Variants in MAP2K7 observed in about 807,000 individuals in gnomAD.
MAP2K7 encodes dual specificity mitogen-activated protein kinase kinase 7.
MAP2K7 carries 12 observed loss-of-function variants against 47.7 expected under a neutral mutation model. The observed-to-expected ratio is 0.25, with a 90% CI of 0.16 to 0.41. The LOEUF (loss-of-function observed/expected upper bound fraction) is 0.41, where lower values mean the gene tolerates loss of function less well. Ranked by LOEUF, MAP2K7 falls within the 10% of genes least tolerant of loss-of-function variation. MAP2K7 has a pLI of 1.00. For missense variants in MAP2K7, 415 were observed against 600.3 expected (o/e 0.69, Z 3.23); for synonymous variants, 299 against 243.0 (o/e 1.23, Z -2.14).
intron 1 of MAP2K7, chr19:7,905,893 A>C: frequency 6.3e-7 from 1 of 1,599,598 alleles, no homozygotes; most frequent in Non-Finnish European, 8.6e-7. Flanking sequence ...GGACATCTGC[A>C]CCATTGACCT....
rs896455254 is a variant in MAP2K7, at chr19:7,910,383, G to T, written c.447+10G>T. ...CGTCATTGCCGTTAAGGTGAGCCTT[G>T]GCGGCTACCCCGGCTGCGCCCCACA... On this transcript the variant is annotated intron_variant, in intron 4 of 10. Transcript: ENST00000397979. The T allele has an allele frequency of 6.3e-5, 102 of 1,610,524 alleles. No homozygotes were observed. Among genetic ancestry groups the T allele is most frequent in the Non-Finnish European group, 8.2e-5 (97 of 1,178,936 alleles).
At chr19:7,906,043 CCCT>C (rs1982432862) in intron 1 of MAP2K7, 1 of 621,580 alleles carries the variant, frequency 1.6e-6, no homozygotes, top group Non-Finnish European at 2.9e-6. Context: ...TCTGCGTCCT[CCCT>C]CCTCCTCCCC....
intron 1 of MAP2K7, among the ~76,000 whole-genome samples, chr19:7,908,670 G>A (rs2145135828): frequency 6.6e-6 from 1 of 152,204 alleles, no homozygotes; most frequent in Admixed American, 6.5e-5. Context: ...GTAGGTGTGT[G>A]TAGCCGTTGT....
chr19:7,909,734 C>A, intron 1 of MAP2K7, 21 bp from the exon 2 acceptor site: 1 of 1,516,380 alleles, frequency 6.6e-7, no homozygotes, highest in Non-Finnish European at 8.9e-7. Context: ...CCCTCCCTGC[C>A]ACTGGTTCTC....
At chr19:7,909,934 C>A in intron 2 of MAP2K7, 38 bp downstream of exon 2, 1 of 1,502,142 alleles carries the variant, frequency 6.7e-7, no homozygotes. Context: ...TGGGAAGCAG[C>A]ATTGAGGGGC....
chr19:7,907,541 C>G (rs147385772), intron 1 of MAP2K7, among the ~76,000 whole-genome samples: 13 of 152,356 alleles, frequency 8.5e-5, no homozygotes, highest in South Asian at 2.1e-4. Flanking sequence ...TCTCACTCCA[C>G]CCTCCTGAGC....
Position 7,910,771 on chromosome 19 carries a change from C to A in MAP2K7, c.643C>A (p.Pro215Thr), listed in dbSNP as rs1192222025. The A allele has an allele frequency of 3.7e-6, 6 of 1,610,400 alleles. No homozygotes were observed. The highest frequency in any genetic ancestry group is 1.7e-6 in the Non-Finnish European group (2 of 1,179,290). Residue 215 changes from proline to threonine, a missense_variant, in exon 6 of 11, where the codon CCC (proline) becomes ACC (threonine). This residue lies in a region of MAP2K7 where 206 missense variants were observed against 368.8 expected (regional missense o/e 0.56). Coordinates refer to ENST00000397979, the MANE Select transcript of MAP2K7 (RefSeq NM_145185.4). ...CAAGAAGCGGATGCAGGGCCCCATC[C>A]CCGAGCGCATTCTGGGCAAGATGAC... ...KLKKRMQGPI[P>T]ERILGKMTVA...
At chr19:7,904,118 C>G (rs1982271998) in intron 1 of MAP2K7, 50 bp downstream of exon 1, 2 of 1,195,448 alleles carry the variant, frequency 1.7e-6, no homozygotes, top group Non-Finnish European at 2.1e-6. Flanking sequence ...GCGGGGCGCG[C>G]GCCGCGGGAG....
At chr19:7,908,553 G>T (rs991844153) in intron 1 of MAP2K7, among the ~76,000 whole-genome samples, 3 of 152,166 alleles carry the variant, frequency 2.0e-5, no homozygotes, top group African/African-American at 7.2e-5. Context: ...CTGCAGAACT[G>T]TGGGGAGAAA....
Position 7,903,937 on chromosome 19 carries a change from CG to C in MAP2K7, c.-4del. On this transcript the variant is annotated 5_prime_UTR_variant, in exon 1 of 11. Coordinates refer to ENST00000397979, the MANE Select transcript of MAP2K7 (RefSeq NM_145185.4). ...GGGCGGTGCGCGGCGGCGGTGGCGG[CG>C]GGGAAGATGGCGGCGTCCTCCCTGG... 3 of 1,517,018 alleles carry C rather than the reference CG, an allele frequency of 2.0e-6. No individual in the cohort carries two copies. Among genetic ancestry groups the C allele is most frequent in the South Asian group, 2.4e-5 (2 of 82,122 alleles). 94.0% of individuals were successfully genotyped at this position (1,517,018 alleles called of 1,614,324 possible). A position where few individuals can be genotyped will look rare whatever the true frequency, so the allele number is the denominator to read the frequency against.
At position 7,912,639 on chromosome 19, in the gene MAP2K7, T is replaced by C; in HGVS notation, c.*208T>C. 3.3e-6 allele frequency: 2 copies of C among 599,488 alleles called. No individual in the cohort carries two copies. The highest frequency in any genetic ancestry group is 4.0e-5 in the South Asian group (2 of 49,886). 37.1% of individuals were successfully genotyped at this position (599,488 alleles called of 1,614,324 possible). A position where few individuals can be genotyped will look rare whatever the true frequency, so the allele number is the denominator to read the frequency against. ...TTCCCACCCCGGGGTCAGCCGGCCG[T>C]GTGCGTCCCCCGACAGACACTGTGA... On this transcript the variant is annotated 3_prime_UTR_variant, in exon 11 of 11. Coordinates refer to ENST00000397979, the MANE Select transcript of MAP2K7 (RefSeq NM_145185.4).
chr19:7,910,184 TC>T (rs1982729142), intron 3 of MAP2K7, 55 bp downstream of exon 3: 1 of 1,595,058 alleles, frequency 6.3e-7, no homozygotes, highest in Non-Finnish European at 8.5e-7. Flanking sequence ...GCTGGACCCA[TC>T]CTGGGAGCGC....
rs1200679519 is a variant in MAP2K7 at position 7,912,750 on chromosome 19, G to A, written c.*319G>A. ...GGCGGCCCCCAGGGGCCAGGAGAGA[G>A]CCCTGGAGTCCCGCAGCCACCATGC... is the stretch of plus-strand genomic sequence containing the variant. On this transcript the variant is annotated 3_prime_UTR_variant, in exon 11 of 11. Transcript: ENST00000397979. 4.9e-6 allele frequency: 2 copies of A among 409,068 alleles called. No individual in the cohort carries two copies. The highest frequency in any genetic ancestry group is 4.1e-5 in the African/African-American group (2 of 49,166). 25.3% of individuals were successfully genotyped at this position (409,068 alleles called of 1,614,324 possible).
rs568653771 is a variant in MAP2K7, at chr19:7,912,828, C to T, written c.*397C>T. ...CACTCCCACGCGCCCGTTCCTCTTC[C>T]GTCGCCCTCTGTCCCCTGCTCTACC... On this transcript the variant is annotated 3_prime_UTR_variant, in exon 11 of 11. Coordinates refer to ENST00000397979, the MANE Select transcript of MAP2K7 (RefSeq NM_145185.4). The T allele has an allele frequency of 2.9e-4, 68 of 234,390 alleles. 1 individual carries two copies. The highest frequency in any genetic ancestry group is 1.7e-3 in the Middle Eastern group (1 of 596). 14.5% of individuals were successfully genotyped at this position (234,390 alleles called of 1,614,324 possible). A position where few individuals can be genotyped will look rare whatever the true frequency, so the allele number is the denominator to read the frequency against.
intron 1 of MAP2K7, among the ~76,000 whole-genome samples, chr19:7,908,408 G>A (rs1982599010): frequency 6.6e-6 from 1 of 152,182 alleles, no homozygotes; most frequent in East Asian, 1.9e-4. Context: ...TCCTGCATTG[G>A]GACTGAGGCG....
chr19:7,907,645 C>A (rs1599622629), intron 1 of MAP2K7, among the ~76,000 whole-genome samples: 1 of 152,306 alleles, frequency 6.6e-6, no homozygotes. Flanking sequence ...CCCTTCCATC[C>A]CCCCATGCTC....
At chr19:7,905,477 C>T (rs900242389) in intron 1 of MAP2K7, among the ~76,000 whole-genome samples, 10 of 152,200 alleles carry the variant, frequency 6.6e-5, no homozygotes, top group Non-Finnish European at 1.0e-4. Flanking sequence ...TCCCTGCTAG[C>T]CCCTGGGGGC....
chr19:7,911,430 T>C lies in MAP2K7; in HGVS notation c.937-6T>C. Reference sequence around the variant, plus strand: ...ACCTGTCCAGCCCTGCCCGTCTCCCTCCCAGGTGGAGCTGGCAACAGGACA... The same window carrying C: ...ACCTGTCCAGCCCTGCCCGTCTCCCCCCCAGGTGGAGCTGGCAACAGGACA... On this transcript the variant is annotated splice_polypyrimidine_tract_variant and splice_region_variant and intron_variant, in intron 8 of 10. Coordinates refer to ENST00000397979, the MANE Select transcript of MAP2K7 (RefSeq NM_145185.4). The C allele has an allele frequency of 6.2e-7, 1 of 1,613,186 alleles. No individual in the cohort carries two copies. The highest frequency in any genetic ancestry group is 8.5e-7 in the Non-Finnish European group (1 of 1,179,790).
chr19:7,911,691 T>C (rs968220917), intron 9 of MAP2K7, 113 bp downstream of exon 9: 2 of 1,141,178 alleles, frequency 1.8e-6, no homozygotes, highest in African/African-American at 1.6e-5. Flanking sequence ...CGGATGCGAC[T>C]GTGGGCGGGC....
Sources: allele counts gnomAD v4.1 joint callset (sites outside exome capture counted in the v4.1 genomes callset), GRCh38; gene constraint gnomAD v4.1.1; regional missense constraint gnomAD v4.1.1; transcripts MANE v1.5; gene names NCBI Gene and HGNC (gene_info 2026-07-23, HGNC 2026-07-21).